The following NCOA7 variants were observed in gnomAD, a reference collection of about 807,000 sequenced individuals.
NCOA7 encodes 140 kDa estrogen receptor-associated protein.
In NCOA7, 45 loss-of-function variants were observed where a neutral mutation model predicts 104.3. That is an observed-to-expected ratio of 0.43 (90% CI 0.34 to 0.55). The LOEUF is 0.55. Among genes scored for constraint, NCOA7 ranks in the 20% least tolerant of loss-of-function variants. NCOA7 has a pLI of 0.02. For missense variants in NCOA7, 1,041 were observed against 1,119.7 expected (o/e 0.93, Z 1.00); for synonymous variants, 398 against 402.3 (o/e 0.99, Z 0.13).
At chr6:125,923,633 C>G (rs1787778529) in intron 13 of NCOA7, among the ~76,000 whole-genome samples, 1 of 152,196 alleles carries the variant, frequency 6.6e-6, no homozygotes, top group Non-Finnish European at 1.5e-5. Context: ...CAGCATTGAG[C>G]AGATTTTCTG....
Position 125,783,194 on chromosome 6 carries a change from C to A in NCOA7, c.-142+1823C>A, listed in dbSNP as rs141377544. Among the ~76,000 whole-genome samples, 867 of 152,212 alleles carry A rather than the reference C, an allele frequency of 5.7e-3. 10 individuals carry two copies. Among genetic ancestry groups the A allele is most frequent in the African/African-American group, 0.02 (810 of 41,532 alleles). Reference sequence around the variant, plus strand: ...ATAATAAATTTGTATGGCTTTAAGTCCCTAATTTAGTGGCTACGTACCGTC... The same window carrying A: ...ATAATAAATTTGTATGGCTTTAAGTACCTAATTTAGTGGCTACGTACCGTC... On this transcript the variant is annotated intron_variant, in intron 1 of 16. Transcript: ENST00000368357.
chr6:125,787,322 T>C (rs1774518786), upstream of NCOA7, among the ~76,000 whole-genome samples: 1 of 152,210 alleles, frequency 6.6e-6, no homozygotes, highest in Admixed American at 6.5e-5. Context: ...TGTCTTTAGA[T>C]AGATAGGTAA....
intron 2 of NCOA7, among the ~76,000 whole-genome samples, chr6:125,830,395 A>G (rs763382068): frequency 3.3e-5 from 5 of 152,184 alleles, no homozygotes; most frequent in Non-Finnish European, 4.4e-5. Context: ...TAATGCAAAT[A>G]TAAGAATATT....
chr6:125,864,445 A>AT (rs550357951), intron 3 of NCOA7, among the ~76,000 whole-genome samples: 7 of 133,348 alleles, frequency 5.2e-5, no homozygotes, highest in Admixed American at 3.5e-4. Flanking sequence ...GATGACCTTT[A>AT]TTTTTTTTTT....
At chr6:125,802,197 T>C (rs888360677) in intron 1 of NCOA7, 25 of 152,176 alleles carry the variant, frequency 1.6e-4, no homozygotes, top group African/African-American at 6.0e-4. Flanking sequence ...ATGAAGTAAT[T>C]TGTGGATCAG....
At chr6:125,798,399 A>G (rs949385474) in intron 1 of NCOA7, among the ~76,000 whole-genome samples, 2 of 152,240 alleles carry the variant, frequency 1.3e-5, no homozygotes, top group African/African-American at 4.8e-5. Flanking sequence ...TACATTGTAC[A>G]GAGAATTAGG....
intron 2 of NCOA7, among the ~76,000 whole-genome samples, chr6:125,843,388 G>T (rs1186348400): frequency 6.6e-6 from 1 of 152,176 alleles, no homozygotes; most frequent in Non-Finnish European, 1.5e-5. Context: ...CTGACCTCCA[G>T]AACTGTAAGA....
intron 3 of NCOA7, among the ~76,000 whole-genome samples, chr6:125,870,587 T>C (rs2065168): frequency 0.74 from 112,131 of 152,158 alleles, 42,057 homozygotes; most frequent in African/African-American, 0.88. Flanking sequence ...ATGTCATAGC[T>C]TCATCCAAGA....
intron 13 of NCOA7, among the ~76,000 whole-genome samples, chr6:125,926,547 G>A (rs892540561): frequency 1.3e-5 from 2 of 152,028 alleles, no homozygotes; most frequent in Non-Finnish European, 2.9e-5. Context: ...GAAGGGCAAA[G>A]GATTTTTTAT....
chr6:125,830,184 C>T (rs1161966788), intron 2 of NCOA7, among the ~76,000 whole-genome samples: 3 of 152,116 alleles, frequency 2.0e-5, no homozygotes, highest in Non-Finnish European at 4.4e-5. Context: ...CTTGTTACTT[C>T]GAATCCATAC....
Position 125,909,679 on chromosome 6 carries a change from G to A in NCOA7, c.2097-5654G>A, listed in dbSNP as rs926521427. ...ACAAAAATTAGCCGGGAGTGGTGGC[G>A]CATGCCTGTAATCTCACCTAGTCAG... is the stretch of plus-strand genomic sequence containing the variant. On this transcript the variant is annotated intron_variant, in intron 10 of 15. Transcript: ENST00000392477. Among the ~76,000 whole-genome samples, 7 of 152,234 alleles carry A rather than the reference G, an allele frequency of 4.6e-5. No homozygotes were observed. In the East Asian group the frequency reaches 7.7e-4, roughly 17 times the overall value.
In NCOA7 at chr6:125,839,988, C is replaced by G. The variant is rs150470935; in HGVS notation, c.51-15032C>G. Among the ~76,000 whole-genome samples the G allele has an allele frequency of 1.0e-3, 154 of 151,250 alleles. 3 individuals are homozygous for G. In the East Asian group the frequency reaches 0.027, roughly 27 times the overall value. On this transcript the variant is annotated intron_variant, in intron 2 of 15. Coordinates refer to ENST00000392477, the MANE Select transcript of NCOA7 (RefSeq NM_181782.5). ...ATTAAAAAAAAAAAGCTAAACAGAACAGCCTCAGGCAGGTCTTTCAGGAGG... is the reference window on the plus strand; with the variant it reads ...ATTAAAAAAAAAAAGCTAAACAGAAGAGCCTCAGGCAGGTCTTTCAGGAGG...
intron 10 of NCOA7, among the ~76,000 whole-genome samples, chr6:125,901,565 A>G (rs1785506149): frequency 6.6e-6 from 1 of 152,204 alleles, no homozygotes; most frequent in Admixed American, 6.5e-5. Flanking sequence ...TTTGGGCACC[A>G]GTGGGAATGA....
intron 11 of NCOA7, among the ~76,000 whole-genome samples, chr6:125,916,514 C>T (rs561927093): frequency 6.6e-6 from 1 of 152,208 alleles, no homozygotes; most frequent in South Asian, 2.1e-4. Context: ...AACAAGCTTG[C>T]AGCACTGGGA....
intron 4 of NCOA7, among the ~76,000 whole-genome samples, chr6:125,875,810 T>G (rs1783324954): frequency 6.6e-6 from 1 of 152,226 alleles, no homozygotes; most frequent in South Asian, 2.1e-4. Context: ...TTGTTCACCA[T>G]TATATTCCTG....
chr6:125,928,583 G>T, intron 15 of NCOA7, 53 bp from the exon 16 acceptor site: 1 of 1,559,988 alleles, frequency 6.4e-7, no homozygotes, highest in Non-Finnish European at 8.6e-7. Flanking sequence ...AGAATAGTGT[G>T]TCATGTAACA....
intron 2 of NCOA7, among the ~76,000 whole-genome samples, chr6:125,848,985 G>A (rs1367953803): frequency 6.6e-6 from 1 of 152,112 alleles, no homozygotes; most frequent in African/African-American, 2.4e-5. Context: ...GAAAAATTCA[G>A]AAGATTAAGA....
At chr6:125,860,466 G>C (rs551878774) in intron 3 of NCOA7, among the ~76,000 whole-genome samples, 93 of 152,068 alleles carry the variant, frequency 6.1e-4, no homozygotes, top group Middle Eastern at 3.4e-3. Flanking sequence ...TCATGCCTCA[G>C]CTTCCCGAGT....
intron 1 of NCOA7, among the ~76,000 whole-genome samples, chr6:125,785,131 A>G (rs895738617): frequency 6.6e-6 from 1 of 152,180 alleles, no homozygotes; most frequent in Admixed American, 6.5e-5. Flanking sequence ...TGAGGTCAGG[A>G]GTTCGAGACC....
Sources: allele counts gnomAD v4.1 joint callset (sites outside exome capture counted in the v4.1 genomes callset), GRCh38; gene constraint gnomAD v4.1.1; transcripts MANE v1.5; gene names NCBI Gene and HGNC (gene_info 2026-07-23, HGNC 2026-07-21).